RPS6KC1: variants seen among roughly 807,000 people sequenced by gnomAD.
RPS6KC1 encodes inactive ribosomal protein S6 kinase delta-1.
A neutral mutation model predicts 103.8 loss-of-function variants in RPS6KC1; 54 were observed. The ratio of observed to expected loss-of-function variants is 0.52; its 90% CI spans 0.42 to 0.65. The LOEUF (loss-of-function observed/expected upper bound fraction) is 0.65. Among genes scored for constraint, RPS6KC1 ranks in the 30% least tolerant of loss-of-function variants. The pLI is 0.00. For synonymous variants in RPS6KC1, 439 were observed against 438.7 expected, an observed-to-expected ratio of 1.00 and a Z score of -0.01; for missense variants, 1,151 against 1,253.8, an observed-to-expected ratio of 0.92 and a Z score of 1.24.
chr1:213,332,904 A>T, the RPS6KC1 span, among the ~76,000 whole-genome samples: 13,273 of 152,202 alleles, frequency 0.087, 649 homozygotes, highest in Middle Eastern at 0.19. Context: ...GGAGGAGGAA[A>T]CATTACTTGG....
the RPS6KC1 span, among the ~76,000 whole-genome samples, chr1:213,426,102 C>T: frequency 1.7e-4 from 26 of 152,234 alleles, no homozygotes; most frequent in East Asian, 4.8e-3. Flanking sequence ...TGCGGCAGAG[C>T]CAGAGTTAAC....
At chr1:213,373,130 A>G in the RPS6KC1 span, among the ~76,000 whole-genome samples, 1 of 152,228 alleles carries the variant, frequency 6.6e-6, no homozygotes, top group African/African-American at 2.4e-5. Flanking sequence ...AAAACTTTAC[A>G]GCTTCTTTCA....
intron 3 of RPS6KC1, among the ~76,000 whole-genome samples, chr1:213,084,543 A>G (rs1417111357): frequency 1.3e-5 from 2 of 152,188 alleles, no homozygotes; most frequent in African/African-American, 4.8e-5. Flanking sequence ...ACATCAATGG[A>G]GTTCAGTTAT....
Position 213,272,824 on chromosome 1 carries a change from G to T in RPS6KC1, c.*190G>T. On this transcript the variant is annotated 3_prime_UTR_variant, in exon 15 of 15. Coordinates refer to ENST00000366960, the MANE Select transcript of RPS6KC1 (RefSeq NM_012424.6). Reference sequence around the variant, plus strand: ...CAATTACAAGATATTAGCTAATTGTGCCAGGGGCTGTTATATACATATATA... The same window carrying T: ...CAATTACAAGATATTAGCTAATTGTTCCAGGGGCTGTTATATACATATATA... 1 of 500,876 alleles carries T rather than the reference G, an allele frequency of 2.0e-6. No individual in the cohort carries two copies. The highest frequency in any genetic ancestry group is 2.2e-5 in the South Asian group (1 of 46,352). 31.0% of individuals were successfully genotyped at this position (500,876 alleles called of 1,614,324 possible). A position where few individuals can be genotyped will look rare whatever the true frequency, so the allele number is the denominator to read the frequency against.
chr1:213,559,852 T>C, the RPS6KC1 span, among the ~76,000 whole-genome samples: 1 of 152,244 alleles, frequency 6.6e-6, no homozygotes, highest in Non-Finnish European at 1.5e-5. Context: ...ACCATTTCAA[T>C]ATAGAATCAA....
chr1:213,157,363 T>C (rs185667559), intron 6 of RPS6KC1, among the ~76,000 whole-genome samples: 1 of 152,050 alleles, frequency 6.6e-6, no homozygotes, highest in Admixed American at 6.5e-5. Context: ...CCTGCCACCA[T>C]GTCCGGCTAA....
At chr1:213,685,147 T>C in the RPS6KC1 span, among the ~76,000 whole-genome samples, 26 of 152,178 alleles carry the variant, frequency 1.7e-4, no homozygotes, top group Non-Finnish European at 3.5e-4. Context: ...TTGAGTCTTC[T>C]TCCTGCTTTG....
At chr1:213,765,109 C>T in the RPS6KC1 span, among the ~76,000 whole-genome samples, 1 of 152,156 alleles carries the variant, frequency 6.6e-6, no homozygotes, top group Admixed American at 6.5e-5. Flanking sequence ...GCACCAAGCT[C>T]CTTTCAGAGA....
chr1:213,468,728 T>C, the RPS6KC1 span, among the ~76,000 whole-genome samples: 1 of 152,196 alleles, frequency 6.6e-6, no homozygotes, highest in African/African-American at 2.4e-5. Flanking sequence ...GCATATAAGA[T>C]TAAAAAAGAA....
At chr1:213,133,635 C>T (rs2085917289) in intron 6 of RPS6KC1, among the ~76,000 whole-genome samples, 2 of 152,100 alleles carry the variant, frequency 1.3e-5, no homozygotes, top group Non-Finnish European at 2.9e-5. Context: ...ATTACAGAGT[C>T]GATTTGAGAG....
At chr1:213,772,215 G>A in the RPS6KC1 span, among the ~76,000 whole-genome samples, 1 of 152,152 alleles carries the variant, frequency 6.6e-6, no homozygotes, top group East Asian at 1.9e-4. Context: ...GGCCCATTAT[G>A]CAGCGTGGGT....
At chr1:213,321,910 G>T in the RPS6KC1 span, among the ~76,000 whole-genome samples, 2 of 152,230 alleles carry the variant, frequency 1.3e-5, no homozygotes, top group African/African-American at 2.4e-5. Context: ...GGCACAGGAA[G>T]TGTAAAGGCC....
chr1:213,416,444 C>G, the RPS6KC1 span, among the ~76,000 whole-genome samples: 1 of 152,196 alleles, frequency 6.6e-6, no homozygotes, highest in Admixed American at 6.5e-5. Context: ...GACCAAGAGG[C>G]CTGGCTTGGC....
At chr1:213,469,994 CAGAG>C in the RPS6KC1 span, among the ~76,000 whole-genome samples, 33 of 152,284 alleles carry the variant, frequency 2.2e-4, no homozygotes, top group Non-Finnish European at 2.2e-4. Context: ...ACCTGGGTGA[CAGAG>C]AGACCTGGGT....
intron 12 of RPS6KC1, among the ~76,000 whole-genome samples, chr1:213,245,975 G>C (rs565598517): frequency 1.4e-4 from 21 of 152,188 alleles, no homozygotes; most frequent in Non-Finnish European, 1.8e-4. Context: ...ACAAAACTGA[G>C]AACTTTTAAA....
At chr1:213,787,257 GATAGA>G in the RPS6KC1 span, among the ~76,000 whole-genome samples, 1 of 152,012 alleles carries the variant, frequency 6.6e-6, no homozygotes, top group Non-Finnish European at 1.5e-5. Flanking sequence ...TACCAGGATA[GATAGA>G]ATATAGTAAA....
chr1:213,300,310 C>G, the RPS6KC1 span, among the ~76,000 whole-genome samples: 4 of 152,196 alleles, frequency 2.6e-5, no homozygotes, highest in African/African-American at 9.6e-5. Flanking sequence ...GCCTAATGGC[C>G]ACTGGCAACC....
At chr1:213,624,090 A>G in the RPS6KC1 span, among the ~76,000 whole-genome samples, 1 of 152,300 alleles carries the variant, frequency 6.6e-6, no homozygotes, top group South Asian at 2.1e-4. Context: ...CAAAAACCGC[A>G]GGGCAGAGCC....
chr1:213,141,617 C>T (rs1163614251), intron 6 of RPS6KC1, among the ~76,000 whole-genome samples: 3 of 151,882 alleles, frequency 2.0e-5, no homozygotes, highest in Non-Finnish European at 4.4e-5. Context: ...TTTCTCATCT[C>T]CATTTCATTC....
Sources: gnomAD v4.1 joint callset for allele counts (sites outside exome capture counted in the v4.1 genomes callset) on GRCh38, gnomAD v4.1.1 for gene constraint, MANE v1.5 for transcripts, NCBI Gene and HGNC (gene_info 2026-07-23, HGNC 2026-07-21) for gene names.